The following SIM1 variants were observed in gnomAD, a reference collection of about 807,000 sequenced individuals.
SIM1 encodes the protein single-minded homolog 1.
Under a neutral mutation model 78.2 loss-of-function variants are expected in SIM1, and 18 were observed. The ratio of observed to expected loss-of-function variants is 0.23; its 90% CI spans 0.16 to 0.34. The LOEUF (loss-of-function observed/expected upper bound fraction) is 0.34. Ranked by LOEUF, SIM1 falls within the 10% of genes least tolerant of loss-of-function variation. The probability of loss-of-function intolerance (pLI) is 1.00; values close to 1 mark genes in which losing one functional copy is unlikely to be tolerated. For synonymous variants in SIM1, 417 were observed against 385.2 expected (o/e 1.08, Z -0.97); for missense variants, 939 against 975.1 (o/e 0.96, Z 0.49).
chr6:100,423,870 C>A (rs1771656885), intron 9 of SIM1, among the ~76,000 whole-genome samples: 1 of 152,176 alleles, frequency 6.6e-6, no homozygotes, highest in African/African-American at 2.4e-5. Flanking sequence ...GTTCATTGGA[C>A]AATAGTCCAG....
chr6:100,406,065 A>G (rs1771043696), intron 10 of SIM1, among the ~76,000 whole-genome samples: 1 of 152,236 alleles, frequency 6.6e-6, no homozygotes, highest in South Asian at 2.1e-4. Context: ...TATTTAATTA[A>G]GTCCTTTATG....
Position 100,390,589 on chromosome 6 carries a change from G to C in SIM1, c.2073C>G (p.His691Gln), listed in dbSNP as rs765093836. The change falls in exon 12 of 12, where the codon CAC (histidine) becomes CAG (glutamine). Residue 691 changes from histidine (H) to glutamine (Q), a missense_variant. By Grantham distance (24) the His-to-Gln change is conservative. This residue lies in a region of SIM1 where 556 missense variants were observed against 521.9 expected (regional missense o/e 1.07). Coordinates refer to ENST00000369208, the MANE Select transcript of SIM1 (RefSeq NM_005068.3). Reference sequence around the variant, plus strand: ...CAAAGCAGTTTGGAGAGACAGTAGGGTGGTCTCCTGCTGTCTGATGAGGAG... The same window carrying C: ...CAAAGCAGTTTGGAGAGACAGTAGGCTGGTCTCCTGCTGTCTGATGAGGAG... ...DISPHQTAGD[H>Q]PTVSPNCFGS... The C allele has an allele frequency of 6.2e-7, 1 of 1,614,138 alleles. No individual in the cohort carries two copies. Among genetic ancestry groups the C allele is most frequent in the Non-Finnish European group, 8.5e-7 (1 of 1,179,998 alleles).
intron 8 of SIM1, among the ~76,000 whole-genome samples, chr6:100,447,931 T>C (rs1024055956): frequency 9.2e-5 from 14 of 152,230 alleles, no homozygotes; most frequent in Non-Finnish European, 2.1e-4. Context: ...CGCCCAGAAA[T>C]GCTTCTTCCG....
In SIM1 at chr6:100,439,882, G is replaced by C. The variant is rs367653862; in HGVS notation, c.998+7386C>G. 2.6e-4 allele frequency among the ~76,000 whole-genome samples: 40 copies of C among 152,146 alleles called. No individual in the cohort carries two copies. The East Asian group carries it at 7.0e-3, about 27-fold the overall frequency. Reference sequence around the variant, plus strand: ...TACATAGAAATCTCTACTCCCCTTAGAGCATCAAGACTACAGTGAAAAACA... The same window carrying C: ...TACATAGAAATCTCTACTCCCCTTACAGCATCAAGACTACAGTGAAAAACA... On this transcript the variant is annotated intron_variant, in intron 9 of 11. Transcript: ENST00000369208.
Position 100,448,199 on chromosome 6 carries a change from TAC to T in SIM1, c.795_796del (p.Tyr266ProfsTer100). The T allele has an allele frequency of 1.2e-6, 2 of 1,613,964 alleles. No individual in the cohort carries two copies. The highest frequency in any genetic ancestry group is 1.7e-6 in the Non-Finnish European group (2 of 1,179,974). On this transcript the variant is annotated frameshift_variant, in exon 8 of 12. Coordinates refer to ENST00000369208, the MANE Select transcript of SIM1 (RefSeq NM_005068.3). LOFTEE classifies it high-confidence loss of function. ...GGTGTCGCAGCCGTGCACATGGTGG[TAC>T]AGAGTCTTCTCAATCAGGTCCTGAG...
intron 10 of SIM1, among the ~76,000 whole-genome samples, chr6:100,394,343 T>C (rs370195064): frequency 6.6e-6 from 1 of 152,336 alleles, no homozygotes; most frequent in East Asian, 1.9e-4. Flanking sequence ...GTTCTTCGTC[T>C]ACCCTAACAG....
At chr6:100,434,089 G>A (rs1187187890) in intron 9 of SIM1, among the ~76,000 whole-genome samples, 2 of 152,230 alleles carry the variant, frequency 1.3e-5, no homozygotes, top group East Asian at 3.8e-4. Context: ...TCTGTAAAGT[G>A]CCATGTAACG....
intron 10 of SIM1, 143 bp downstream of exon 10, chr6:100,420,647 A>G (rs1039176114): frequency 1.3e-6 from 1 of 757,936 alleles, no homozygotes; most frequent in Non-Finnish European, 2.1e-6. Context: ...GGAGGCAGAT[A>G]GTTTAGAGAA....
chr6:100,391,544 A>G (rs1460655984), intron 11 of SIM1, among the ~76,000 whole-genome samples: 1 of 152,250 alleles, frequency 6.6e-6, no homozygotes, highest in Non-Finnish European at 1.5e-5. Context: ...AAATGATGAT[A>G]CAGGCTGAAC....
chr6:100,461,049 CAGA>C lies in SIM1; in HGVS notation c.175+2242_175+2244del, dbSNP rs368109062. Among the ~76,000 whole-genome samples the C allele has an allele frequency of 1.7e-3, 250 of 145,982 alleles. 1 individual carries two copies. In the Middle Eastern group the frequency reaches 0.018, roughly 10 times the overall value. On this transcript the variant is annotated intron_variant, in intron 2 of 11. Transcript: ENST00000369208. Reference sequence around the variant, plus strand: ...CTCCCCATAAACTCACACTCACCCACAGAAGGGAGAGAAAGGAGGGGTCCGGGG... The same window carrying C: ...CTCCCCATAAACTCACACTCACCCACAGGGAGAGAAAGGAGGGGTCCGGGG...
At chr6:100,402,567 C>CTCTTTTT (rs1428516012) in intron 10 of SIM1, among the ~76,000 whole-genome samples, 9 of 76,338 alleles carry the variant, frequency 1.2e-4, no homozygotes, top group East Asian at 5.6e-4. Flanking sequence ...TTTCTTTTCT[C>CTCTTTTT]TTTTTTTTTT....
intron 9 of SIM1, among the ~76,000 whole-genome samples, chr6:100,429,805 A>T (rs958190147): frequency 2.0e-5 from 3 of 152,186 alleles, no homozygotes; most frequent in African/African-American, 7.2e-5. Flanking sequence ...CTTTCTTTAC[A>T]TTTCCAGAAT....
intron 10 of SIM1, among the ~76,000 whole-genome samples, chr6:100,419,790 C>T (rs543872152): frequency 1.3e-3 from 199 of 152,190 alleles, no homozygotes; most frequent in South Asian, 5.4e-3. Flanking sequence ...TACAGGCACA[C>T]GCCACCACAC....
chr6:100,446,786 C>T (rs1437337777), intron 9 of SIM1, among the ~76,000 whole-genome samples: 10 of 152,154 alleles, frequency 6.6e-5, no homozygotes, highest in Admixed American at 6.5e-4. Flanking sequence ...GTCACTTAAG[C>T]CCCCTTTGTG....
chr6:100,426,862 A>G (rs895914107), intron 9 of SIM1, among the ~76,000 whole-genome samples: 6 of 152,182 alleles, frequency 3.9e-5, no homozygotes, highest in Admixed American at 2.6e-4. Context: ...TCATGTGGCA[A>G]TTCTTAAAAG....
At chr6:100,458,457 G>A in intron 2 of SIM1, among the ~76,000 whole-genome samples, 1 of 152,316 alleles carries the variant, frequency 6.6e-6, no homozygotes, top group East Asian at 1.9e-4. Flanking sequence ...CAAACAGACT[G>A]GATCTGGACC....
In SIM1 at chr6:100,390,042, T is replaced by A; in HGVS notation, c.*319A>T. The A allele has an allele frequency of 2.4e-6, 1 of 410,314 alleles. No homozygotes were observed. Among genetic ancestry groups the A allele is most frequent in the East Asian group, 3.8e-5 (1 of 26,374 alleles). 25.4% of individuals were successfully genotyped at this position (410,314 alleles called of 1,614,324 possible). On this transcript the variant is annotated 3_prime_UTR_variant, in exon 12 of 12. Coordinates refer to ENST00000369208, the MANE Select transcript of SIM1 (RefSeq NM_005068.3). Reference sequence around the variant, plus strand: ...GGATCACTGGATAGTCACAATGCAATGTTGTCATTCATCAGTCCTCTCATG... The same window carrying A: ...GGATCACTGGATAGTCACAATGCAAAGTTGTCATTCATCAGTCCTCTCATG...
chr6:100,412,628 GAAAGAAAGAAAAGAAAGAAAGAA>G (rs1771246210), intron 10 of SIM1, among the ~76,000 whole-genome samples: 6 of 90,132 alleles, frequency 6.7e-5, no homozygotes, highest in African/African-American at 2.0e-4. Flanking sequence ...AAGAAGGAAA[GAAAGAAAGAAAAGAAAGAAAGAA>G]AGAAAGAGAG....
intron 2 of SIM1, among the ~76,000 whole-genome samples, chr6:100,455,849 A>G (rs915769061): frequency 7.2e-5 from 11 of 152,340 alleles, no homozygotes; most frequent in Non-Finnish European, 1.5e-4. Context: ...CCTCCCAACC[A>G]GAATGATCTG....
Sources: allele counts gnomAD v4.1 joint callset (sites outside exome capture counted in the v4.1 genomes callset), GRCh38; gene constraint gnomAD v4.1.1; regional missense constraint gnomAD v4.1.1; transcripts MANE v1.5; gene names NCBI Gene and HGNC (gene_info 2026-07-23, HGNC 2026-07-21).